The following BRD10 variants were observed in gnomAD, a reference collection of about 807,000 sequenced individuals.
The protein encoded by BRD10 is uncharacterized bromodomain-containing protein 10.
chr9:5,950,338 T>G, the BRD10 span, among the ~76,000 whole-genome samples: 2 of 152,200 alleles, frequency 1.3e-5, no homozygotes, highest in African/African-American at 2.4e-5. Flanking sequence ...ACAATAAAAA[T>G]GGCTAAAACA....
At chr9:5,944,912 C>A in the BRD10 span, 1 of 1,545,060 alleles carries the variant, frequency 6.5e-7, no homozygotes, top group Non-Finnish European at 8.8e-7. Flanking sequence ...AGTTCATTCT[C>A]GATTTTTGTG....
the BRD10 span, among the ~76,000 whole-genome samples, chr9:5,911,722 A>G: frequency 4.6e-5 from 7 of 151,160 alleles, no homozygotes; most frequent in Non-Finnish European, 7.4e-5. Context: ...TTTAGTAGAG[A>G]CGGGGTTTCA....
At chr9:5,998,293 T>TA in the BRD10 span, among the ~76,000 whole-genome samples, 135,711 of 152,082 alleles carry the variant, frequency 0.89, 61,595 homozygotes, top group Non-Finnish European at 0.99. Context: ...GTACACATTT[T>TA]AATTAATAAA....
At chr9:5,918,776 G>A in the BRD10 span, among the ~76,000 whole-genome samples, 4 of 139,086 alleles carry the variant, frequency 2.9e-5, no homozygotes, top group Non-Finnish European at 6.0e-5. Flanking sequence ...AGTGAGCTGA[G>A]ACTGCACCAC....
At chr9:5,906,116 T>G in the BRD10 span, among the ~76,000 whole-genome samples, 1 of 151,618 alleles carries the variant, frequency 6.6e-6, no homozygotes, top group East Asian at 1.9e-4. Context: ...ACTCAGAGGC[T>G]GAGGCAGGAG....
the BRD10 span, chr9:5,920,721 T>C: frequency 1.9e-6 from 3 of 1,613,814 alleles, no homozygotes; most frequent in Non-Finnish European, 8.5e-7. Context: ...ACTGTGTTTA[T>C]TATTTTAGGG....
the BRD10 span, among the ~76,000 whole-genome samples, chr9:5,880,172 G>A: frequency 2.0e-5 from 3 of 151,728 alleles, no homozygotes; most frequent in African/African-American, 7.3e-5. Context: ...GTCCACCTCA[G>A]CCTCCCAAAG....
the BRD10 span, chr9:5,921,685 A>C: frequency 6.2e-7 from 1 of 1,613,898 alleles, no homozygotes; most frequent in South Asian, 1.1e-5. Flanking sequence ...GTTGCTGTTT[A>C]GTTGGAGTAT....
the BRD10 span, among the ~76,000 whole-genome samples, chr9:5,886,475 T>C: frequency 3.3e-5 from 5 of 152,236 alleles, no homozygotes; most frequent in African/African-American, 1.2e-4. Context: ...CATGAACCTA[T>C]GAAGCAGATG....
chr9:6,002,800 C>G, the BRD10 span, among the ~76,000 whole-genome samples: 2 of 151,934 alleles, frequency 1.3e-5, no homozygotes, highest in Admixed American at 1.3e-4. Flanking sequence ...CCTCAGCCTC[C>G]CAAGTAGCTG....
the BRD10 span, chr9:5,920,152 A>T: frequency 3.7e-6 from 6 of 1,613,878 alleles, no homozygotes; most frequent in Non-Finnish European, 5.1e-6. Context: ...TTAAGGAATT[A>T]TTTGATGCTA....
chr9:5,905,731 G>A, the BRD10 span, among the ~76,000 whole-genome samples: 52 of 152,292 alleles, frequency 3.4e-4, 1 homozygote, highest in Middle Eastern at 0.017. Context: ...TTTTCAGGCT[G>A]ACCCAATGTA....
chr9:5,984,755 A>C, the BRD10 span, among the ~76,000 whole-genome samples: 1 of 152,166 alleles, frequency 6.6e-6, no homozygotes, highest in Admixed American at 6.5e-5. Flanking sequence ...TGAAATATGT[A>C]GGGAAAAAGG....
the BRD10 span, among the ~76,000 whole-genome samples, chr9:5,891,954 C>A: frequency 1.3e-5 from 2 of 152,176 alleles, no homozygotes; most frequent in Non-Finnish European, 2.9e-5. Context: ...GCACAGGCAA[C>A]GGGTGCTCTG....
chr9:5,951,935 C>G, the BRD10 span, among the ~76,000 whole-genome samples: 1 of 151,416 alleles, frequency 6.6e-6, no homozygotes, highest in South Asian at 2.1e-4. Flanking sequence ...TCTCTATCCT[C>G]TCTCTCTCTC....
At chr9:5,954,036 G>C in the BRD10 span, 4 of 1,568,014 alleles carry the variant, frequency 2.6e-6, no homozygotes, top group East Asian at 6.9e-5. Context: ...GGTACAGTAG[G>C]TGACTTTATG....
chr9:5,933,913 A>G, the BRD10 span: 2 of 460,878 alleles, frequency 4.3e-6, no homozygotes, highest in Middle Eastern at 6.6e-4. Context: ...ACATAAATAA[A>G]TTCTATATTA....
At chr9:5,999,608 C>T in the BRD10 span, among the ~76,000 whole-genome samples, 1 of 152,098 alleles carries the variant, frequency 6.6e-6, no homozygotes, top group African/African-American at 2.4e-5. Context: ...GATCTGGCTA[C>T]ATAATCTGGC....
At chr9:5,920,053 T>A in the BRD10 span, 2 of 1,613,992 alleles carry the variant, frequency 1.2e-6, no homozygotes, top group Admixed American at 1.7e-5. Flanking sequence ...GTTGTGGTGA[T>A]GTATGTACTG....
Sources: allele counts gnomAD v4.1 joint callset (sites outside exome capture counted in the v4.1 genomes callset), GRCh38; gene constraint gnomAD v4.1.1; transcripts MANE v1.5; gene names NCBI Gene and HGNC (gene_info 2026-07-23, HGNC 2026-07-21).